The following ADAMTS18 variants were observed in gnomAD, a reference collection of about 807,000 sequenced individuals.
ADAMTS18 encodes the protein A disintegrin and metalloproteinase with thrombospondin motifs 18.
ADAMTS18 carries 157 observed loss-of-function variants against 165.9 expected under a neutral mutation model. That is an observed-to-expected ratio of 0.95 (90% CI 0.83 to 1.08). The LOEUF (loss-of-function observed/expected upper bound fraction) is 1.08. Ranked by LOEUF, ADAMTS18 falls within the 50% of genes least tolerant of loss-of-function variation. ADAMTS18 has a pLI of 0.00. For synonymous variants in ADAMTS18, 782 were observed against 578.2 expected, an observed-to-expected ratio of 1.35 and a Z score of -5.06; for missense variants, 2,040 against 1,534.0, an observed-to-expected ratio of 1.33 and a Z score of -5.51.
intron 3 of ADAMTS18, among the ~76,000 whole-genome samples, chr16:77,418,402 C>A (rs2057557533): frequency 6.6e-6 from 1 of 152,156 alleles, no homozygotes; most frequent in Non-Finnish European, 1.5e-5. Flanking sequence ...AGATACTAGG[C>A]TATGTCTGGA....
chr16:77,401,942 TA>T (rs1380952675), intron 3 of ADAMTS18, among the ~76,000 whole-genome samples: 1 of 152,158 alleles, frequency 6.6e-6, no homozygotes, highest in East Asian at 1.9e-4. Flanking sequence ...AGCCTTGGAG[TA>T]AGAGTTACAC....
At chr16:77,289,565 T>A (rs2055323910) in intron 21 of ADAMTS18, 154 bp from the exon 22 acceptor site, 1 of 836,030 alleles carries the variant, frequency 1.2e-6, no homozygotes, top group African/African-American at 1.7e-5. Context: ...GTCCACAGCA[T>A]CTATCCTAAC....
At chr16:77,361,969 G>A (rs2056721310) in intron 7 of ADAMTS18, 136 bp downstream of exon 7, 5 of 979,402 alleles carry the variant, frequency 5.1e-6, no homozygotes, top group East Asian at 5.2e-5. Context: ...TCACCACAGG[G>A]TACATTAGGT....
intron 8 of ADAMTS18, among the ~76,000 whole-genome samples, chr16:77,357,175 G>C (rs925358339): frequency 3.9e-5 from 6 of 152,046 alleles, no homozygotes; most frequent in African/African-American, 1.4e-4. Context: ...TTCATTTATA[G>C]AGTTCGCCTT....
intron 3 of ADAMTS18, among the ~76,000 whole-genome samples, chr16:77,427,488 G>C (rs766843419): frequency 1.8e-4 from 27 of 152,192 alleles, no homozygotes; most frequent in Non-Finnish European, 3.5e-4. Flanking sequence ...GGATATAGTA[G>C]AAAGGACAGA....
chr16:77,314,778 A>ATATATATATATATATATATG (rs1366859577), intron 16 of ADAMTS18, among the ~76,000 whole-genome samples: 5 of 85,508 alleles, frequency 5.8e-5, no homozygotes, highest in Admixed American at 1.2e-4. Context: ...ATATATATAT[A>ATATATATATATATATATATG]TATATATAAA....
chr16:77,359,098 C>T (rs140836024), intron 8 of ADAMTS18, among the ~76,000 whole-genome samples: 14 of 152,232 alleles, frequency 9.2e-5, no homozygotes, highest in East Asian at 5.8e-4. Flanking sequence ...TCTGTGCACA[C>T]GAAGGAGTAC....
At chr16:77,362,403 A>G (rs948256458) in intron 6 of ADAMTS18, 139 bp from the exon 7 acceptor site, 9 of 878,494 alleles carry the variant, frequency 1.0e-5, no homozygotes, top group Non-Finnish European at 1.4e-5. Flanking sequence ...GGTAGGAGAC[A>G]GGAAAATCTC....
intron 7 of ADAMTS18, among the ~76,000 whole-genome samples, chr16:77,360,713 G>A (rs1451929653): frequency 1.3e-5 from 2 of 152,172 alleles, no homozygotes; most frequent in Non-Finnish European, 2.9e-5. Context: ...TTTGAAGACT[G>A]TGATTAATGG....
intron 11 of ADAMTS18, among the ~76,000 whole-genome samples, chr16:77,339,831 T>G (rs2056371805): frequency 6.6e-6 from 1 of 151,136 alleles, no homozygotes; most frequent in Non-Finnish European, 1.5e-5. Flanking sequence ...TTTAAAATGT[T>G]CATTTTCTTT....
At chr16:77,398,582 G>A (rs141655864) in intron 3 of ADAMTS18, among the ~76,000 whole-genome samples, 1 of 152,120 alleles carries the variant, frequency 6.6e-6, no homozygotes, top group Admixed American at 6.5e-5. Context: ...TCTAGATCAC[G>A]GTTTCTCAGT....
intron 8 of ADAMTS18, 112 bp from the exon 9 acceptor site, chr16:77,356,189 G>T: frequency 7.1e-7 from 1 of 1,416,756 alleles, no homozygotes. Flanking sequence ...GTGAGAGACA[G>T]AGTTATTAAA....
intron 3 of ADAMTS18, among the ~76,000 whole-genome samples, chr16:77,369,429 A>G (rs2056845063): frequency 6.6e-6 from 1 of 152,042 alleles, no homozygotes; most frequent in South Asian, 2.1e-4. Flanking sequence ...TGCAATATTA[A>G]GTTGGGTTAT....
chr16:77,413,981 TAC>T (rs1274707701), intron 3 of ADAMTS18, among the ~76,000 whole-genome samples: 11 of 152,220 alleles, frequency 7.2e-5, no homozygotes, highest in Admixed American at 5.2e-4. Flanking sequence ...ATCAGAATTG[TAC>T]AGTTTTCTAT....
intron 3 of ADAMTS18, among the ~76,000 whole-genome samples, chr16:77,400,464 G>GTGTC (rs2057313376): frequency 1.5e-5 from 2 of 130,502 alleles, no homozygotes; most frequent in East Asian, 4.3e-4. Context: ...GTCTGTGTGT[G>GTGTC]TGTGTGTGTG....
intron 8 of ADAMTS18, among the ~76,000 whole-genome samples, chr16:77,358,436 C>G (rs1415959628): frequency 1.3e-5 from 2 of 152,086 alleles, no homozygotes; most frequent in African/African-American, 4.8e-5. Context: ...GTAGTGGGCA[C>G]TGGTAATCCC....
rs181718156 is a variant in ADAMTS18, at chr16:77,335,616, C to T, written c.1859+140G>A. On this transcript the variant is annotated intron_variant, in intron 12 of 22. Coordinates refer to ENST00000282849, the MANE Select transcript of ADAMTS18 (RefSeq NM_199355.4). ...AGTTGTATCAACACATCACATGTAC[C>T]CCATAAATATGTATAACCATTATGT... The T allele has an allele frequency of 3.8e-3, 3,931 of 1,026,060 alleles. 11 individuals carry two copies. Among genetic ancestry groups the T allele is most frequent in the Non-Finnish European group, 4.8e-3 (3,268 of 675,676 alleles). The allele number at this position is 1,026,060 out of a possible 1,614,324, so 63.6% of individuals were successfully genotyped here.
At chr16:77,296,648 C>CATGTTTTA (rs2055478578) in intron 18 of ADAMTS18, among the ~76,000 whole-genome samples, 1 of 152,114 alleles carries the variant, frequency 6.6e-6, no homozygotes, top group Non-Finnish European at 1.5e-5. Flanking sequence ...GGCAAAACCC[C>CATGTTTTA]GTCTCTACTA....
At chr16:77,328,621 A>G (rs1197854405) in intron 12 of ADAMTS18, among the ~76,000 whole-genome samples, 1 of 152,236 alleles carries the variant, frequency 6.6e-6, no homozygotes, top group Non-Finnish European at 1.5e-5. Flanking sequence ...TTATCTGAAA[A>G]GCACTTAGAA....
Sources: gnomAD v4.1 joint callset for allele counts (sites outside exome capture counted in the v4.1 genomes callset) on GRCh38, gnomAD v4.1.1 for gene constraint, MANE v1.5 for transcripts, NCBI Gene and HGNC (gene_info 2026-07-23, HGNC 2026-07-21) for gene names.